The following CNTN3 variants were observed in gnomAD, a reference collection of about 807,000 sequenced individuals.
The protein encoded by CNTN3 is contactin 3.
In CNTN3, 60 loss-of-function variants were observed where a neutral mutation model predicts 119.1. That is an observed-to-expected ratio of 0.50 (90% confidence interval 0.41 to 0.62). The LOEUF (loss-of-function observed/expected upper bound fraction) is 0.62. Among genes scored for constraint, CNTN3 ranks in the 20% least tolerant of loss-of-function variants. The pLI, the probability that CNTN3 is intolerant of heterozygous loss-of-function variation, is 0.00. For missense variants in CNTN3, 1,101 were observed against 1,242.4 expected (o/e 0.89, Z 1.71); for synonymous variants, 450 against 438.7 (o/e 1.03, Z -0.32).
intron 5 of CNTN3, among the ~76,000 whole-genome samples, chr3:74,412,149 A>C (rs1382679241): frequency 6.6e-6 from 1 of 152,146 alleles, no homozygotes; most frequent in Non-Finnish European, 1.5e-5. Flanking sequence ...CTGTCAACTG[A>C]TCTTTCAAAT....
At chr3:74,345,151 A>T (rs1373846302) in intron 11 of CNTN3, among the ~76,000 whole-genome samples, 1 of 152,142 alleles carries the variant, frequency 6.6e-6, no homozygotes, top group Non-Finnish European at 1.5e-5. Flanking sequence ...AATGTTGCTC[A>T]AGAAGCTGGG....
intron 4 of CNTN3, among the ~76,000 whole-genome samples, chr3:74,485,487 C>T (rs1702836236): frequency 6.6e-6 from 1 of 151,926 alleles, no homozygotes; most frequent in South Asian, 2.1e-4. Flanking sequence ...TATAATGGCA[C>T]AAGCAAAGCC....
At chr3:74,502,263 A>T (rs1454949259) in intron 2 of CNTN3, among the ~76,000 whole-genome samples, 1 of 152,112 alleles carries the variant, frequency 6.6e-6, no homozygotes, top group Admixed American at 6.6e-5. Flanking sequence ...AGTAGAGATA[A>T]GAAAGCAGTG....
At chr3:74,582,783 T>TTGTGTGTGTGTGTGTGTGTGTG (rs60306845) in intron 1 of CNTN3, among the ~76,000 whole-genome samples, 1 of 145,002 alleles carries the variant, frequency 6.9e-6, no homozygotes, top group Non-Finnish European at 1.5e-5. Flanking sequence ...GTGTATGCAT[T>TTGTGTGTGTGTGTGTGTGTGTG]TGTGTGTGTG....
chr3:74,527,414 C>T (rs945611277), intron 1 of CNTN3, among the ~76,000 whole-genome samples: 4 of 151,868 alleles, frequency 2.6e-5, no homozygotes, highest in Non-Finnish European at 4.4e-5. Context: ...GTAGATGGGG[C>T]GGCAATACAA....
chr3:74,567,898 T>C (rs998103591), intron 1 of CNTN3, among the ~76,000 whole-genome samples: 2 of 152,134 alleles, frequency 1.3e-5, no homozygotes, highest in African/African-American at 4.8e-5. Flanking sequence ...TGGTAATCTA[T>C]GAAAACTAAA....
rs9880616 is a variant in CNTN3 at position 74,567,694 on chromosome 3, G to A, written c.-80-46502C>T. ...GAGTGGATCATTTCCTCTGCTGACA[G>A]TCGATGATGCTTCTGGGTACCTGTT... On this transcript the variant is annotated intron_variant, in intron 1 of 22. Transcript: ENST00000263665. 7.0e-3 allele frequency among the ~76,000 whole-genome samples: 1,059 copies of A among 152,214 alleles called. 11 individuals carry two copies. The highest frequency in any genetic ancestry group is 0.024 in the African/African-American group (1,005 of 41,528).
intron 1 of CNTN3, among the ~76,000 whole-genome samples, chr3:74,550,288 A>G (rs1286448817): frequency 1.3e-5 from 2 of 152,220 alleles, no homozygotes; most frequent in South Asian, 2.1e-4. Flanking sequence ...AATACATACG[A>G]ACTGAGCGAC....
At chr3:74,471,172 A>T (rs1482187975) in intron 4 of CNTN3, among the ~76,000 whole-genome samples, 1 of 152,090 alleles carries the variant, frequency 6.6e-6, no homozygotes, top group African/African-American at 2.4e-5. Context: ...AGGGAGGGGA[A>T]CATCACACAC....
intron 5 of CNTN3, among the ~76,000 whole-genome samples, chr3:74,395,834 C>T (rs1252254299): frequency 1.3e-5 from 2 of 152,060 alleles, no homozygotes; most frequent in African/African-American, 4.8e-5. Context: ...ATTTTCCCTA[C>T]AGCGTGTGCT....
intron 5 of CNTN3, among the ~76,000 whole-genome samples, chr3:74,399,437 C>T (rs950737472): frequency 6.6e-5 from 10 of 152,088 alleles, no homozygotes; most frequent in African/African-American, 2.2e-4. Flanking sequence ...GGATAATGGC[C>T]TCCAGCTGCA....
intron 13 of CNTN3, among the ~76,000 whole-genome samples, chr3:74,327,576 A>T (rs1703162852): frequency 6.6e-6 from 1 of 152,196 alleles, no homozygotes; most frequent in African/African-American, 2.4e-5. Flanking sequence ...TAACAAAATA[A>T]GTTAAAAATA....
At chr3:74,451,194 A>G (rs1408537827) in intron 4 of CNTN3, among the ~76,000 whole-genome samples, 6 of 152,192 alleles carry the variant, frequency 3.9e-5, no homozygotes, top group African/African-American at 1.4e-4. Context: ...TGACTTTTTA[A>G]TGATTGCCAT....
intron 5 of CNTN3, among the ~76,000 whole-genome samples, chr3:74,417,245 G>A (rs1008044320): frequency 1.3e-5 from 2 of 152,112 alleles, no homozygotes; most frequent in Non-Finnish European, 2.9e-5. Flanking sequence ...ATATGTACCT[G>A]AGGACAGAAT....
At chr3:74,420,176 G>A (rs1253412357) in intron 5 of CNTN3, among the ~76,000 whole-genome samples, 2 of 152,224 alleles carry the variant, frequency 1.3e-5, no homozygotes, top group Non-Finnish European at 2.9e-5. Context: ...TCAGATGACA[G>A]CAGTCTGTTG....
At chr3:74,560,447 T>C (rs1377275796) in intron 1 of CNTN3, among the ~76,000 whole-genome samples, 1 of 152,174 alleles carries the variant, frequency 6.6e-6, no homozygotes, top group African/African-American at 2.4e-5. Context: ...AAATAAAATA[T>C]ATAATAAAAA....
chr3:74,520,535 G>A (rs181903703), intron 2 of CNTN3, among the ~76,000 whole-genome samples: 45 of 151,444 alleles, frequency 3.0e-4, no homozygotes, highest in African/African-American at 1.1e-3. Flanking sequence ...GCTTTTGTAT[G>A]TGTCAAAGAC....
chr3:74,445,341 C>A (rs908092191), intron 4 of CNTN3, among the ~76,000 whole-genome samples: 15 of 152,078 alleles, frequency 9.9e-5, no homozygotes, highest in Non-Finnish European at 2.1e-4. Flanking sequence ...CCGCCCACTG[C>A]AACCTCCACC....
intron 5 of CNTN3, among the ~76,000 whole-genome samples, chr3:74,410,171 C>G (rs1043672542): frequency 6.6e-6 from 1 of 152,186 alleles, no homozygotes; most frequent in Non-Finnish European, 1.5e-5. Context: ...ATTCTTCTTA[C>G]TCTCTACTCT....
Sources: gnomAD v4.1 joint callset for allele counts (sites outside exome capture counted in the v4.1 genomes callset) on GRCh38, gnomAD v4.1.1 for gene constraint, MANE v1.5 for transcripts, NCBI Gene and HGNC (gene_info 2026-07-23, HGNC 2026-07-21) for gene names.